The following DIPK1A variants were observed in gnomAD, a reference collection of about 807,000 sequenced individuals.
DIPK1A encodes family with sequence similarity 69 member A.
A neutral mutation model predicts 40.8 loss-of-function variants in DIPK1A; 27 were observed. The observed-to-expected ratio is 0.66, with a 90% CI of 0.49 to 0.91. The LOEUF (loss-of-function observed/expected upper bound fraction) is 0.91, where lower values mean the gene tolerates loss of function less well. Ranked by LOEUF, DIPK1A falls within the 40% of genes least tolerant of loss-of-function variation. DIPK1A has a pLI of 0.00. For missense variants in DIPK1A, 412 were observed against 505.7 expected, an observed-to-expected ratio of 0.81 and a Z score of 1.78; for synonymous variants, 166 against 171.3, an observed-to-expected ratio of 0.97 and a Z score of 0.24.
chr1:92,949,566 T>A (rs1651545971), intron 1 of DIPK1A, among the ~76,000 whole-genome samples: 1 of 152,222 alleles, frequency 6.6e-6, no homozygotes, highest in Non-Finnish European at 1.5e-5. Flanking sequence ...CATGAGCCAC[T>A]GTGCCCAGCA....
rs1438476750 is a variant in DIPK1A at position 92,940,377 on chromosome 1, T to C, written c.54+20999A>G. Among the ~76,000 whole-genome samples, 4 of 152,336 alleles carry C rather than the reference T, an allele frequency of 2.6e-5. No homozygotes were observed. In the East Asian group the frequency reaches 7.7e-4, roughly 29 times the overall value. On this transcript the variant is annotated intron_variant, in intron 1 of 4. Coordinates refer to ENST00000370310, the MANE Select transcript of DIPK1A (RefSeq NM_001006605.5). ...TTTAAAAATAGGCATTTAAAGCCAATAACATCATCTTAACATAGTACAACA... is the reference window on the plus strand; with the variant it reads ...TTTAAAAATAGGCATTTAAAGCCAACAACATCATCTTAACATAGTACAACA...
chr1:92,846,751 C>A, intron 4 of DIPK1A, among the ~76,000 whole-genome samples: 1 of 115,184 alleles, frequency 8.7e-6, no homozygotes. Flanking sequence ...ACCTCAGCAT[C>A]TCAAGTAGTT....
chr1:92,882,222 T>C (rs969180615), intron 1 of DIPK1A, among the ~76,000 whole-genome samples: 1 of 152,200 alleles, frequency 6.6e-6, no homozygotes, highest in Non-Finnish European at 1.5e-5. Flanking sequence ...ACCCCACCTC[T>C]ATTAAAAATA....
At chr1:92,852,235 A>T (rs1687846786) in intron 2 of DIPK1A, among the ~76,000 whole-genome samples, 1 of 152,236 alleles carries the variant, frequency 6.6e-6, no homozygotes, top group African/African-American at 2.4e-5. Flanking sequence ...GCAGTGGCTC[A>T]CGCCTATAAT....
At chr1:92,912,804 T>C (rs143964536) in intron 1 of DIPK1A, among the ~76,000 whole-genome samples, 10 of 152,204 alleles carry the variant, frequency 6.6e-5, no homozygotes, top group Admixed American at 1.3e-4. Flanking sequence ...TGTATCTATA[T>C]ATATAAGCCA....
intron 1 of DIPK1A, among the ~76,000 whole-genome samples, chr1:92,924,542 C>T (rs1387458262): frequency 6.6e-6 from 1 of 151,774 alleles, no homozygotes; most frequent in African/African-American, 2.4e-5. Context: ...TCAGGGGGCA[C>T]CTTGCCTCTA....
At chr1:92,835,775 G>GT (rs1268691764) in intron 4 of DIPK1A, among the ~76,000 whole-genome samples, 1 of 151,592 alleles carries the variant, frequency 6.6e-6, no homozygotes, top group Non-Finnish European at 1.5e-5. Context: ...ATTTTGCCTT[G>GT]TTTTTATTAT....
chr1:92,958,574 C>G (rs780738727), intron 1 of DIPK1A, among the ~76,000 whole-genome samples: 4 of 152,150 alleles, frequency 2.6e-5, no homozygotes, highest in African/African-American at 9.7e-5. Context: ...AACAAGATCT[C>G]TTATACCTGC....
At chr1:92,837,501 T>G (rs1252688079), downstream of DIPK1A, 1 of 1,612,890 alleles carries the variant, frequency 6.2e-7, no homozygotes, top group South Asian at 1.1e-5. Flanking sequence ...AGGAATTTAA[T>G]GCAGAAGTAC....
At chr1:92,861,927 G>A (rs893773098) in intron 2 of DIPK1A, among the ~76,000 whole-genome samples, 1 of 152,024 alleles carries the variant, frequency 6.6e-6, no homozygotes, top group Non-Finnish European at 1.5e-5. Flanking sequence ...CTATAGGCAC[G>A]CACTACCACA....
downstream of DIPK1A, among the ~76,000 whole-genome samples, chr1:92,839,111 G>A (rs184958437): frequency 8.9e-5 from 13 of 145,770 alleles, no homozygotes; most frequent in Admixed American, 1.4e-4. Context: ...TGTAATCCCC[G>A]GACTTGGGAG....
At chr1:92,833,357 C>A (rs1558283762) in intron 4 of DIPK1A, 1 of 1,549,654 alleles carries the variant, frequency 6.5e-7, no homozygotes, top group Non-Finnish European at 8.9e-7. Context: ...GCTAAGACAT[C>A]AAAGTTTTAA....
intron 1 of DIPK1A, among the ~76,000 whole-genome samples, chr1:92,876,739 T>C (rs1648147024): frequency 6.6e-6 from 1 of 152,204 alleles, no homozygotes; most frequent in Non-Finnish European, 1.5e-5. Context: ...CTGGGCACCT[T>C]GTGAGATCAG....
At chr1:92,934,151 AAC>A (rs1226967563) in intron 1 of DIPK1A, 1 of 152,256 alleles carries the variant, frequency 6.6e-6, no homozygotes, top group Non-Finnish European at 1.5e-5. Context: ...GGTCAGTGGT[AAC>A]ACACACTGGC....
chr1:92,861,321 C>CTTTTTTTTTTTTTTT (rs71230876), intron 2 of DIPK1A, among the ~76,000 whole-genome samples: 2 of 83,546 alleles, frequency 2.4e-5, no homozygotes, highest in Non-Finnish European at 4.2e-5. Flanking sequence ...CTCTCTCTCT[C>CTTTTTTTTTTTTTTT]TTTTTTTTTT....
chr1:92,958,722 A>G (rs2100927272), intron 1 of DIPK1A, among the ~76,000 whole-genome samples: 1 of 152,358 alleles, frequency 6.6e-6, no homozygotes, highest in Non-Finnish European at 1.5e-5. Context: ...AATTTGTGGC[A>G]TGAATGAGCT....
chr1:92,932,565 T>C (rs916842868), intron 1 of DIPK1A: 2 of 151,980 alleles, frequency 1.3e-5, no homozygotes, highest in Non-Finnish European at 2.9e-5. Flanking sequence ...AAATGAACCA[T>C]CAAGCCATGA....
intron 1 of DIPK1A, among the ~76,000 whole-genome samples, chr1:92,921,052 T>C (rs1002205934): frequency 3.3e-5 from 5 of 152,150 alleles, no homozygotes; most frequent in African/African-American, 1.2e-4. Flanking sequence ...GAGCTATCCC[T>C]GGGACTCCCT....
rs1687396076 is a variant in DIPK1A, at chr1:92,842,249, C to T, written c.*1134G>A. The T allele has an allele frequency of 2.0e-6, 2 of 988,866 alleles. No individual in the cohort carries two copies. Among genetic ancestry groups the T allele is most frequent in the Non-Finnish European group, 2.4e-6 (2 of 832,288 alleles). The allele number at this position is 988,866 out of a possible 1,614,324, so 61.3% of individuals were successfully genotyped here. A position where few individuals can be genotyped will look rare whatever the true frequency, so the allele number is the denominator to read the frequency against. ...AAACAAAACTGGTGCTAATCCATGGCGTTGAAGGAAAGTTTTGAGAGAAAG... is the reference window on the plus strand; with the variant it reads ...AAACAAAACTGGTGCTAATCCATGGTGTTGAAGGAAAGTTTTGAGAGAAAG... On this transcript the variant is annotated 3_prime_UTR_variant, in exon 5 of 5. Transcript: ENST00000370310.
Sources: gnomAD v4.1 joint callset for allele counts (sites outside exome capture counted in the v4.1 genomes callset) on GRCh38, gnomAD v4.1.1 for gene constraint, MANE v1.5 for transcripts, NCBI Gene and HGNC (gene_info 2026-07-23, HGNC 2026-07-21) for gene names.